Variants in THRB observed in about 807,000 individuals in gnomAD.
THRB encodes thyroid hormone receptor beta.
THRB carries 12 observed loss-of-function variants against 47.8 expected under a neutral mutation model. The observed-to-expected ratio is 0.25, with a 90% CI of 0.16 to 0.41. The LOEUF (loss-of-function observed/expected upper bound fraction) is 0.41. Among genes scored for constraint, THRB ranks in the 10% least tolerant of loss-of-function variants. The pLI, the probability that THRB is intolerant of heterozygous loss-of-function variation, is 1.00. For synonymous variants in THRB, 218 were observed against 212.2 expected, an observed-to-expected ratio of 1.03 and a Z score of -0.24; for missense variants, 348 against 589.2, an observed-to-expected ratio of 0.59 and a Z score of 4.24.
intron 5 of THRB, among the ~76,000 whole-genome samples, chr3:24,189,503 A>C (rs948938743): frequency 8.1e-5 from 12 of 148,468 alleles, no homozygotes; most frequent in Non-Finnish European, 1.7e-4. Context: ...GCAATCAGGA[A>C]CTTAGGCCAG....
intron 9 of THRB, among the ~76,000 whole-genome samples, chr3:24,132,636 C>A (rs1477649194): frequency 2.0e-5 from 3 of 152,208 alleles, no homozygotes; most frequent in Non-Finnish European, 4.4e-5. Flanking sequence ...CAGGGCAGGC[C>A]TGATAAAGTT....
At chr3:24,350,847 A>G (rs1158386458) in intron 1 of THRB, among the ~76,000 whole-genome samples, 1 of 152,116 alleles carries the variant, frequency 6.6e-6, no homozygotes, top group African/African-American at 2.4e-5. Context: ...TTTAAGAAAT[A>G]TCAATACTTT....
intron 3 of THRB, among the ~76,000 whole-genome samples, chr3:24,236,022 C>G (rs1417856506): frequency 6.6e-6 from 1 of 152,170 alleles, no homozygotes; most frequent in African/African-American, 2.4e-5. Context: ...TCTGGAAGCA[C>G]AGCTGAATAA....
chr3:24,479,295 C>G (rs1291348001), intron 1 of THRB, among the ~76,000 whole-genome samples: 2 of 152,202 alleles, frequency 1.3e-5, no homozygotes, highest in Admixed American at 6.5e-5. Flanking sequence ...GAGCGAGACT[C>G]CGTCTCAAAA....
intron 5 of THRB, among the ~76,000 whole-genome samples, chr3:24,183,604 C>T (rs2149497563): frequency 6.6e-6 from 1 of 151,342 alleles, no homozygotes; most frequent in African/African-American, 2.4e-5. Context: ...AACTCCTGAC[C>T]TCAAGTGATC....
At chr3:24,181,850 C>G (rs2149475499) in intron 5 of THRB, among the ~76,000 whole-genome samples, 1 of 152,300 alleles carries the variant, frequency 6.6e-6, no homozygotes, top group Non-Finnish European at 1.5e-5. Flanking sequence ...TCCAATTCAT[C>G]CATTTGGAGA....
chr3:24,286,873 C>A (rs183480848), intron 3 of THRB, among the ~76,000 whole-genome samples: 2 of 152,060 alleles, frequency 1.3e-5, no homozygotes, highest in Non-Finnish European at 2.9e-5. Context: ...TTAGCCTGGG[C>A]GGCATGGGGT....
intron 1 of THRB, among the ~76,000 whole-genome samples, chr3:24,338,835 G>C (rs2062435930): frequency 6.6e-6 from 1 of 152,190 alleles, no homozygotes; most frequent in African/African-American, 2.4e-5. Flanking sequence ...CATTAAGGTA[G>C]ACTTTGGAGT....
chr3:24,122,774 C>T lies in THRB; in HGVS notation c.*110G>A. The T allele has an allele frequency of 1.3e-6, 2 of 1,515,834 alleles. No homozygotes were observed. The allele number at this position is 1,515,834 out of a possible 1,614,324, so 93.9% of individuals were successfully genotyped here. On this transcript the variant is annotated 3_prime_UTR_variant, in exon 11 of 11. Transcript: ENST00000646209. ...ATGCCAAGGACTACTTCCCTTTTCCCTCCCAAATAATCCCTCCCAACACAA... is the reference window on the plus strand; with the variant it reads ...ATGCCAAGGACTACTTCCCTTTTCCTTCCCAAATAATCCCTCCCAACACAA...
intron 6 of THRB, among the ~76,000 whole-genome samples, chr3:24,148,898 A>G (rs558109971): frequency 9.9e-5 from 15 of 152,252 alleles, no homozygotes; most frequent in Non-Finnish European, 1.8e-4. Flanking sequence ...AAGTTCTAAC[A>G]GAAAACTGTC....
intron 2 of THRB, among the ~76,000 whole-genome samples, chr3:24,309,300 C>T (rs1013623977): frequency 6.6e-5 from 10 of 152,188 alleles, no homozygotes; most frequent in South Asian, 2.1e-4. Flanking sequence ...CAAAACAACA[C>T]GCTTAAGAAG....
chr3:24,164,310 G>C (rs1451329175), intron 5 of THRB, among the ~76,000 whole-genome samples: 1 of 152,100 alleles, frequency 6.6e-6, no homozygotes, highest in Non-Finnish European at 1.5e-5. Flanking sequence ...ATATCGTACT[G>C]GTTTTAATAT....
At chr3:24,245,150 T>C (rs2049983515) in intron 3 of THRB, among the ~76,000 whole-genome samples, 1 of 152,178 alleles carries the variant, frequency 6.6e-6, no homozygotes, top group Non-Finnish European at 1.5e-5. Flanking sequence ...GAGGACACAG[T>C]CACTATGCCA....
intron 4 of THRB, among the ~76,000 whole-genome samples, chr3:24,222,107 C>T (rs1374016960): frequency 1.3e-5 from 2 of 152,170 alleles, no homozygotes; most frequent in African/African-American, 4.8e-5. Context: ...AGAAATTCTT[C>T]CTGGTGGTCT....
intron 3 of THRB, among the ~76,000 whole-genome samples, chr3:24,244,765 G>C (rs1203387362): frequency 6.6e-6 from 1 of 152,136 alleles, no homozygotes; most frequent in African/African-American, 2.4e-5. Context: ...TAGCAGCCCT[G>C]TGAATCTTCC....
chr3:24,143,551 C>G lies in THRB; in HGVS notation c.688G>C (p.Val230Leu). The change falls in exon 8 of 11, where the codon GTG becomes CTG. Residue 230 changes from valine to leucine, a missense_variant. Around this residue, in one of 5 missense-constraint regions of THRB, gnomAD observed 112 missense variants for 212.3 expected, o/e 0.53. Coordinates refer to ENST00000646209, the MANE Select transcript of THRB (RefSeq NM_001354712.2). ...ELIKTVTEAHVATNAQGSHWK... is the reference protein window; with the variant it reads ...ELIKTVTEAHLATNAQGSHWK... ...TGGCTGCCTTGGGCGTTGGTCGCCA[C>G]ATGGGCTTCGGTGACAGTTTTGATG... 10 of 1,614,248 alleles carry G rather than the reference C, an allele frequency of 6.2e-6. No homozygotes were observed. The highest frequency in any genetic ancestry group is 8.5e-6 in the Non-Finnish European group (10 of 1,180,038).
intron 9 of THRB, among the ~76,000 whole-genome samples, chr3:24,130,634 C>T (rs34350771): frequency 0.11 from 17,007 of 152,124 alleles, 1,131 homozygotes; most frequent in Non-Finnish European, 0.15. Flanking sequence ...CAAAAGAGAA[C>T]GATGACAGCC....
At chr3:24,195,079 A>C (rs1369093978) in intron 4 of THRB, among the ~76,000 whole-genome samples, 1 of 152,226 alleles carries the variant, frequency 6.6e-6, no homozygotes, top group Non-Finnish European at 1.5e-5. Context: ...TTAGGTATGA[A>C]GCCTCAAATT....
At chr3:24,471,444 T>G (rs1314422800) in intron 1 of THRB, among the ~76,000 whole-genome samples, 2 of 152,360 alleles carry the variant, frequency 1.3e-5, no homozygotes, top group East Asian at 3.9e-4. Flanking sequence ...GATAGTCTTT[T>G]AGAATTTGGG....
Sources: allele counts gnomAD v4.1 joint callset (sites outside exome capture counted in the v4.1 genomes callset), GRCh38; gene constraint gnomAD v4.1.1; regional missense constraint gnomAD v4.1.1; transcripts MANE v1.5; gene names NCBI Gene and HGNC (gene_info 2026-07-23, HGNC 2026-07-21).